FNDC3B: variants seen among roughly 807,000 people sequenced by gnomAD.
The protein encoded by FNDC3B is fibronectin type III domain containing 3B.
FNDC3B carries 12 observed loss-of-function variants against 151.5 expected under a neutral mutation model. The observed-to-expected ratio is 0.08, with a 90% CI of 0.05 to 0.13. The LOEUF (loss-of-function observed/expected upper bound fraction) is 0.13, where lower values mean the gene tolerates loss of function less well. FNDC3B is among the 10% of genes least tolerant of loss of function. The probability of loss-of-function intolerance (pLI) is 1.00; values close to 1 mark genes in which losing one functional copy is unlikely to be tolerated. For missense variants in FNDC3B, 1,214 were observed against 1,505.3 expected, an observed-to-expected ratio of 0.81 and a Z score of 3.20; for synonymous variants, 528 against 549.0, an observed-to-expected ratio of 0.96 and a Z score of 0.54.
chr3:172,334,000 G>T (rs1732822761), intron 14 of FNDC3B, among the ~76,000 whole-genome samples: 1 of 151,960 alleles, frequency 6.6e-6, no homozygotes, highest in Non-Finnish European at 1.5e-5. Flanking sequence ...ATCACTAAGA[G>T]ATCAAAACGA....
At chr3:172,265,437 A>G (rs149711647) in intron 6 of FNDC3B, among the ~76,000 whole-genome samples, 2 of 152,308 alleles carry the variant, frequency 1.3e-5, no homozygotes, top group African/African-American at 2.4e-5. Context: ...GGGGAGCAGT[A>G]GATCAATAAT....
At chr3:172,251,814 G>A (rs1021190142) in intron 6 of FNDC3B, among the ~76,000 whole-genome samples, 1 of 152,110 alleles carries the variant, frequency 6.6e-6, no homozygotes, top group South Asian at 2.1e-4. Flanking sequence ...ATCTTTTCAT[G>A]TTAGCCTACT....
chr3:172,183,731 A>G (rs1724034949), intron 3 of FNDC3B, among the ~76,000 whole-genome samples: 1 of 152,164 alleles, frequency 6.6e-6, no homozygotes, highest in African/African-American at 2.4e-5. Context: ...AAAATTATTA[A>G]ACTGTAGGCG....
Position 172,268,349 on chromosome 3 carries a change from G to C in FNDC3B, c.790+16808G>C, listed in dbSNP as rs145264354. ...CCTGGACAGTAATTAGAGTTACAAA[G>C]AGTTCTAAAACAAAAGTTGATGAGA... On this transcript the variant is annotated intron_variant, in intron 6 of 25. Transcript: ENST00000415807. Among the ~76,000 whole-genome samples, 386 of 152,304 alleles carry C rather than the reference G, an allele frequency of 2.5e-3. 2 individuals carry two copies. The highest frequency in any genetic ancestry group is 4.6e-3 in the Admixed American group (70 of 15,296).
intron 3 of FNDC3B, among the ~76,000 whole-genome samples, chr3:172,156,422 C>T (rs1722487368): frequency 6.6e-6 from 1 of 152,178 alleles, no homozygotes; most frequent in Non-Finnish European, 1.5e-5. Flanking sequence ...TGGATGGAGG[C>T]AAGAGGAAGT....
At chr3:172,082,565 A>G (rs915736942) in intron 1 of FNDC3B, among the ~76,000 whole-genome samples, 3 of 152,178 alleles carry the variant, frequency 2.0e-5, no homozygotes, top group Admixed American at 2.0e-4. Context: ...CAGCAGGACC[A>G]CACTTTGTAA....
intron 1 of FNDC3B, among the ~76,000 whole-genome samples, chr3:172,109,349 G>A (rs564229805): frequency 2.0e-5 from 3 of 152,098 alleles, no homozygotes; most frequent in Admixed American, 6.5e-5. Context: ...TGTATTTTTA[G>A]TAGAGACGGG....
chr3:172,367,042 A>G (rs1205130407), intron 23 of FNDC3B, among the ~76,000 whole-genome samples: 3 of 152,190 alleles, frequency 2.0e-5, no homozygotes, highest in Non-Finnish European at 4.4e-5. Context: ...CTCAAGGCAA[A>G]TCAACCTAGA....
At chr3:172,218,253 A>G (rs1726098870) in intron 3 of FNDC3B, among the ~76,000 whole-genome samples, 2 of 151,662 alleles carry the variant, frequency 1.3e-5, no homozygotes, top group South Asian at 4.2e-4. Flanking sequence ...GAAGCAGGAC[A>G]GGTAATTTTG....
At chr3:172,186,198 G>T (rs977571928) in intron 3 of FNDC3B, among the ~76,000 whole-genome samples, 4 of 152,088 alleles carry the variant, frequency 2.6e-5, no homozygotes, top group Non-Finnish European at 4.4e-5. Context: ...CTCTTATGAT[G>T]CTCTGCCTAC....
chr3:172,109,164 CTTTTTT>C (rs398052444), intron 1 of FNDC3B, among the ~76,000 whole-genome samples: 1 of 120,068 alleles, frequency 8.3e-6, no homozygotes. Context: ...GCCTTGGATT[CTTTTTT>C]TTTTTTTTTT....
chr3:172,281,123 C>T lies in FNDC3B; in HGVS notation c.791-4803C>T, dbSNP rs570445678. On this transcript the variant is annotated intron_variant, in intron 6 of 25. Transcript: ENST00000415807. Reference sequence around the variant, plus strand: ...GCCCAACTTAGCTCCTTTTCAAAAACTTTCCTACCATTAAATGTGCCTATA... The same window carrying T: ...GCCCAACTTAGCTCCTTTTCAAAAATTTTCCTACCATTAAATGTGCCTATA... 3.9e-5 allele frequency among the ~76,000 whole-genome samples: 6 copies of T among 152,028 alleles called. No individual in the cohort carries two copies. The East Asian group carries it at 1.2e-3, about 29-fold the overall frequency.
At chr3:172,151,922 G>T (rs191689449) in intron 3 of FNDC3B, among the ~76,000 whole-genome samples, 3 of 152,262 alleles carry the variant, frequency 2.0e-5, no homozygotes, top group Non-Finnish European at 4.4e-5. Context: ...GTATTTCTCT[G>T]GTTTTCAGTA....
intron 11 of FNDC3B, among the ~76,000 whole-genome samples, chr3:172,318,752 G>A (rs1458413760): frequency 2.0e-5 from 3 of 152,162 alleles, no homozygotes. Context: ...CATGCACTTT[G>A]GTCATTCTTG....
At chr3:172,372,501 C>T (rs552158840) in intron 23 of FNDC3B, among the ~76,000 whole-genome samples, 6 of 152,314 alleles carry the variant, frequency 3.9e-5, no homozygotes, top group East Asian at 1.9e-4. Flanking sequence ...TGTCAGCAAG[C>T]GTGCTCATGT....
At chr3:172,315,249 C>T (rs955013299) in intron 11 of FNDC3B, among the ~76,000 whole-genome samples, 29 of 152,042 alleles carry the variant, frequency 1.9e-4, no homozygotes, top group Non-Finnish European at 3.2e-4. Context: ...TGACAGTGGG[C>T]GCCTATAGTC....
intron 6 of FNDC3B, among the ~76,000 whole-genome samples, chr3:172,258,549 C>T (rs868508184): frequency 2.7e-4 from 41 of 152,252 alleles, no homozygotes; most frequent in Middle Eastern, 3.4e-3. Context: ...GAAGTCACAG[C>T]GCACCAAGGT....
At chr3:172,126,859 G>T in intron 2 of FNDC3B, 1 of 297,570 alleles carries the variant, frequency 3.4e-6, no homozygotes, top group Non-Finnish European at 6.9e-6. Flanking sequence ...ATCTTAATTA[G>T]AAGCATTTCC....
At chr3:172,206,590 C>T (rs574137457) in intron 3 of FNDC3B, among the ~76,000 whole-genome samples, 11 of 127,956 alleles carry the variant, frequency 8.6e-5, no homozygotes, top group Admixed American at 5.2e-4. Flanking sequence ...ATCCAGAAGG[C>T]GGATGTTGCA....
Sources: gnomAD v4.1 joint callset for allele counts (sites outside exome capture counted in the v4.1 genomes callset) on GRCh38, gnomAD v4.1.1 for gene constraint, MANE v1.5 for transcripts, NCBI Gene and HGNC (gene_info 2026-07-23, HGNC 2026-07-21) for gene names.